CRYL1: variants seen among roughly 807,000 people sequenced by gnomAD.
The protein encoded by CRYL1 is lambda-crystallin homolog.
CRYL1 carries 29 observed loss-of-function variants against 36.6 expected under a neutral mutation model. The ratio of observed to expected loss-of-function variants is 0.79; its 90% CI spans 0.59 to 1.08. The LOEUF (loss-of-function observed/expected upper bound fraction) is 1.08. CRYL1 is among the 50% of genes least tolerant of loss of function. The pLI is 0.00. For synonymous variants in CRYL1, 152 were observed against 151.5 expected (o/e 1.00, Z -0.02); for missense variants, 411 against 407.9 (o/e 1.01, Z -0.06).
chr13:20,424,308 G>A lies in CRYL1; in HGVS notation c.633+7794C>T, dbSNP rs539854329. 3.9e-5 allele frequency among the ~76,000 whole-genome samples: 6 copies of A among 152,326 alleles called. No individual in the cohort carries two copies. The East Asian group carries it at 1.2e-3, about 29-fold the overall frequency. ...CCAACAGAGGTGCTGCTGAGTGGCT[G>A]GACTGAGAAGCAGCATGTGGACTCT... On this transcript the variant is annotated intron_variant, in intron 5 of 7. Transcript: ENST00000298248.
At chr13:20,447,519 C>A (rs7331976) in intron 3 of CRYL1, among the ~76,000 whole-genome samples, 1 of 151,644 alleles carries the variant, frequency 6.6e-6, no homozygotes, top group African/African-American at 2.4e-5. Flanking sequence ...CTTCCACCAC[C>A]CCCCCTCCCT....
chr13:20,453,524 A>G (rs1240763503), intron 3 of CRYL1, among the ~76,000 whole-genome samples: 2 of 152,114 alleles, frequency 1.3e-5, no homozygotes, highest in Admixed American at 6.6e-5. Context: ...CTGAGAGGAA[A>G]ATGTATAGCA....
intron 3 of CRYL1, among the ~76,000 whole-genome samples, chr13:20,470,571 C>G (rs7984691): frequency 0.029 from 4,349 of 152,204 alleles, 208 homozygotes; most frequent in African/African-American, 0.098. Context: ...GACATTTAAA[C>G]CCAAAACTTC....
At chr13:20,520,885 A>C (rs1258704050) in intron 1 of CRYL1, among the ~76,000 whole-genome samples, 2 of 151,974 alleles carry the variant, frequency 1.3e-5, no homozygotes, top group Non-Finnish European at 2.9e-5. Flanking sequence ...GTGGGTGGAT[A>C]ACGAGGTCAG....
intron 2 of CRYL1, among the ~76,000 whole-genome samples, chr13:20,508,393 T>G (rs1284453402): frequency 1.3e-5 from 2 of 152,204 alleles, no homozygotes; most frequent in African/African-American, 4.8e-5. Context: ...ATTAAGTAGA[T>G]GTAATTTACT....
At chr13:20,510,138 A>G (rs2033886798) in intron 2 of CRYL1, among the ~76,000 whole-genome samples, 1 of 152,200 alleles carries the variant, frequency 6.6e-6, no homozygotes, top group Non-Finnish European at 1.5e-5. Context: ...TTACCATCCA[A>G]TCTAGCAATT....
chr13:20,518,704 G>C (rs1354156339), intron 1 of CRYL1, among the ~76,000 whole-genome samples: 1 of 152,206 alleles, frequency 6.6e-6, no homozygotes, highest in Non-Finnish European at 1.5e-5. Flanking sequence ...CAGGAGACCA[G>C]CTGGGTGTCA....
chr13:20,505,905 T>C (rs1449125936), intron 2 of CRYL1, among the ~76,000 whole-genome samples: 9 of 152,178 alleles, frequency 5.9e-5, no homozygotes, highest in Admixed American at 5.2e-4. Context: ...TCATACACGG[T>C]GTTGCTGTTG....
intron 1 of CRYL1, among the ~76,000 whole-genome samples, chr13:20,516,955 TCCC>T (rs891561877): frequency 4.6e-5 from 7 of 152,084 alleles, no homozygotes; most frequent in Non-Finnish European, 8.8e-5. Flanking sequence ...ATGCCTGTGG[TCCC>T]AGCTACTCAG....
chr13:20,518,945 T>C (rs1174902878), intron 1 of CRYL1, among the ~76,000 whole-genome samples: 2 of 152,164 alleles, frequency 1.3e-5, no homozygotes, highest in African/African-American at 4.8e-5. Context: ...AGACTAGCAA[T>C]GGAGCAGATG....
At chr13:20,491,500 A>C (rs749364629) in intron 2 of CRYL1, among the ~76,000 whole-genome samples, 1 of 152,160 alleles carries the variant, frequency 6.6e-6, no homozygotes, top group Non-Finnish European at 1.5e-5. Flanking sequence ...AGGCTTATAA[A>C]GTTAGTGAGG....
At chr13:20,502,236 A>T (rs2033715605) in intron 2 of CRYL1, among the ~76,000 whole-genome samples, 1 of 152,124 alleles carries the variant, frequency 6.6e-6, no homozygotes. Flanking sequence ...ACTTAAATGC[A>T]CTGTAGGAAG....
chr13:20,510,257 C>G (rs917554261), intron 2 of CRYL1, among the ~76,000 whole-genome samples: 2 of 152,130 alleles, frequency 1.3e-5, no homozygotes, highest in Admixed American at 1.3e-4. Context: ...TGGAAGCACC[C>G]AAGATGTTCT....
chr13:20,411,854 G>A (rs1261078109), intron 6 of CRYL1, among the ~76,000 whole-genome samples: 1 of 152,198 alleles, frequency 6.6e-6, no homozygotes, highest in African/African-American at 2.4e-5. Flanking sequence ...CTGAAGCAGA[G>A]AACACACGGC....
chr13:20,525,109 G>A lies in CRYL1; in HGVS notation c.41+645C>T, dbSNP rs1283284492. Among the ~76,000 whole-genome samples, 2 of 152,114 alleles carry A rather than the reference G, an allele frequency of 1.3e-5. No individual in the cohort carries two copies. Among genetic ancestry groups the A allele is most frequent in the Non-Finnish European group, 2.9e-5 (2 of 68,020 alleles). On this transcript the variant is annotated intron_variant, in intron 1 of 7. Transcript: ENST00000298248. The surrounding 1 kb of genome is among the most constrained non-coding windows in gnomAD (Gnocchi z 4.3). ...TTGGGCAGAATTTAAGCTGTTAAATGGACACACTTAGCAAACTCTCTGGGC... is the reference window on the plus strand; with the variant it reads ...TTGGGCAGAATTTAAGCTGTTAAATAGACACACTTAGCAAACTCTCTGGGC...
At chr13:20,464,436 T>C (rs916338215) in intron 3 of CRYL1, among the ~76,000 whole-genome samples, 3 of 152,138 alleles carry the variant, frequency 2.0e-5, no homozygotes, top group African/African-American at 7.2e-5. Flanking sequence ...ATTTAAAGCA[T>C]ACAAAATAGT....
intron 5 of CRYL1, among the ~76,000 whole-genome samples, chr13:20,427,979 C>A (rs2031970313): frequency 6.6e-6 from 1 of 152,026 alleles, no homozygotes; most frequent in Non-Finnish European, 1.5e-5. Context: ...ATGAAACAGA[C>A]AATCCAAATG....
chr13:20,459,985 T>C lies in CRYL1; in HGVS notation c.277-20231A>G, dbSNP rs567636260. 4.6e-5 allele frequency among the ~76,000 whole-genome samples: 7 copies of C among 152,330 alleles called. 1 individual carries two copies. In the South Asian group the frequency reaches 1.2e-3, roughly 27 times the overall value. ...ACCTTCGCTGTTAAACACTTAGATC[T>C]TTTTTTCCAGTTTATACAAACACAT... On this transcript the variant is annotated intron_variant, in intron 3 of 7. Transcript: ENST00000298248.
In CRYL1 at chr13:20,435,985, G is replaced by A. The variant is rs990079752; in HGVS notation, c.438+3608C>T. 7.2e-5 allele frequency among the ~76,000 whole-genome samples: 11 copies of A among 152,226 alleles called. No homozygotes were observed. The highest frequency in any genetic ancestry group is 6.5e-4 in the Admixed American group (10 of 15,292). On this transcript the variant is annotated intron_variant, in intron 4 of 7. Coordinates refer to ENST00000298248, the MANE Select transcript of CRYL1 (RefSeq NM_015974.3). The surrounding 1 kb of genome is among the most constrained non-coding windows in gnomAD (Gnocchi z 4.0). ...AAAGGCAGCTCGGAGCGGCCGCAGG[G>A]CCGTGCAGATGTGCAAAGAGACGCA...
Sources: allele counts gnomAD v4.1 joint callset (sites outside exome capture counted in the v4.1 genomes callset), GRCh38; gene constraint gnomAD v4.1.1; non-coding constraint Gnocchi (gnomAD v3.1); transcripts MANE v1.5; gene names NCBI Gene and HGNC (gene_info 2026-07-23, HGNC 2026-07-21).